TXLNB: variants seen among roughly 807,000 people sequenced by gnomAD.
The protein encoded by TXLNB is beta-taxilin.
In TXLNB, 37 loss-of-function variants were observed where a neutral mutation model predicts 57.4. The ratio of observed to expected loss-of-function variants is 0.64; its 90% CI spans 0.50 to 0.85. The LOEUF is 0.85. Among genes scored for constraint, TXLNB ranks in the 40% least tolerant of loss-of-function variants. The probability of loss-of-function intolerance (pLI) is 0.00; values close to 1 mark genes in which losing one functional copy is unlikely to be tolerated. For missense variants in TXLNB, 848 were observed against 825.6 expected (o/e 1.03, Z -0.33); for synonymous variants, 302 against 309.6 (o/e 0.98, Z 0.26).
rs762405488 is a variant in TXLNB, at chr6:139,262,716, G to A, written c.745C>T (p.His249Tyr). 2.4e-5 allele frequency: 38 copies of A among 1,614,038 alleles called. No individual in the cohort carries two copies. The highest frequency in any genetic ancestry group is 3.0e-5 in the Non-Finnish European group (35 of 1,180,030). The change falls in exon 5 of 10, where the codon CAT becomes TAT. Residue 249 changes from histidine to tyrosine, a missense_variant. By Grantham distance (83) the His-to-Tyr change is moderately conservative. Coordinates refer to ENST00000358430, the MANE Select transcript of TXLNB (RefSeq NM_153235.4). ...ATGTCCGTGAGGGTACTCTGGAAATGGCTTGTGATTTCCTTCCTTTTCTCT... is the reference window on the plus strand; with the variant it reads ...ATGTCCGTGAGGGTACTCTGGAAATAGCTTGTGATTTCCTTCCTTTTCTCT... The part of the protein sequence containing the change: ...EEEKRKEITS[H>Y]FQSTLTDIQG...
the TXLNB span, among the ~76,000 whole-genome samples, chr6:139,191,871 A>G: frequency 5.1e-4 from 77 of 152,310 alleles, 1 homozygote; most frequent in South Asian, 6.8e-3. Context: ...AAGAAACACA[A>G]GGCTAATTTC....
chr6:139,169,240 G>A, the TXLNB span, among the ~76,000 whole-genome samples: 56 of 151,658 alleles, frequency 3.7e-4, no homozygotes, highest in Admixed American at 1.0e-3. Flanking sequence ...TATTTTTTTT[G>A]TTGGAGTGGA....
intron 6 of TXLNB, among the ~76,000 whole-genome samples, chr6:139,256,559 A>G (rs1776346240): frequency 6.6e-6 from 1 of 152,156 alleles, no homozygotes; most frequent in African/African-American, 2.4e-5. Flanking sequence ...CCAACTCCTG[A>G]CCTCGTGATC....
chr6:139,232,583 A>T, the TXLNB span, among the ~76,000 whole-genome samples: 1 of 152,198 alleles, frequency 6.6e-6, no homozygotes, highest in Non-Finnish European at 1.5e-5. Flanking sequence ...TCTTCCTAGT[A>T]CATATATTAG....
chr6:139,204,924 A>G, the TXLNB span, among the ~76,000 whole-genome samples: 24 of 152,178 alleles, frequency 1.6e-4, no homozygotes, highest in East Asian at 4.1e-3. Context: ...TGGCCTGAGA[A>G]CCACCCCCCA....
At chr6:139,200,710 T>C in the TXLNB span, among the ~76,000 whole-genome samples, 1 of 152,152 alleles carries the variant, frequency 6.6e-6, no homozygotes. Flanking sequence ...TCTATTTTCT[T>C]TCACTTCCCT....
At chr6:139,170,550 A>T in the TXLNB span, 1 of 152,220 alleles carries the variant, frequency 6.6e-6, no homozygotes, top group South Asian at 2.1e-4. Context: ...GTGTTTGTTG[A>T]TGAGGAGGGA....
the TXLNB span, among the ~76,000 whole-genome samples, chr6:139,173,123 C>CA: frequency 2.0e-5 from 3 of 152,168 alleles, no homozygotes; most frequent in African/African-American, 7.2e-5. Flanking sequence ...GCCCCGAGGC[C>CA]AGAGTAGATG....
the TXLNB span, among the ~76,000 whole-genome samples, chr6:139,197,296 A>G: frequency 2.0e-5 from 3 of 152,166 alleles, no homozygotes; most frequent in Non-Finnish European, 4.4e-5. Flanking sequence ...AACATCCTGT[A>G]TATTATATTT....
chr6:139,220,335 C>T, the TXLNB span, among the ~76,000 whole-genome samples: 2 of 152,194 alleles, frequency 1.3e-5, no homozygotes, highest in Non-Finnish European at 2.9e-5. Flanking sequence ...GAAGCCTGAA[C>T]AGACTATTTA....
intron 6 of TXLNB, among the ~76,000 whole-genome samples, chr6:139,258,802 A>G (rs569301499): frequency 6.2e-4 from 95 of 152,246 alleles, no homozygotes; most frequent in Middle Eastern, 3.4e-3. Flanking sequence ...CGTCACAGAG[A>G]GTGTGGGCTT....
At chr6:139,297,184 C>T in the TXLNB span, among the ~76,000 whole-genome samples, 2 of 152,136 alleles carry the variant, frequency 1.3e-5, no homozygotes, top group African/African-American at 4.8e-5. Context: ...ATTCTTCTGG[C>T]TTCCCTAACA....
the TXLNB span, among the ~76,000 whole-genome samples, chr6:139,315,806 TA>T: frequency 6.6e-6 from 1 of 152,172 alleles, no homozygotes; most frequent in Non-Finnish European, 1.5e-5. Flanking sequence ...GCCAGCTTTT[TA>T]AAAAATCACA....
At chr6:139,297,836 G>A in the TXLNB span, among the ~76,000 whole-genome samples, 1 of 152,152 alleles carries the variant, frequency 6.6e-6, no homozygotes, top group Non-Finnish European at 1.5e-5. Flanking sequence ...CAAGTTGAAG[G>A]AATCTATTGT....
At chr6:139,309,195 T>G in the TXLNB span, among the ~76,000 whole-genome samples, 1 of 152,234 alleles carries the variant, frequency 6.6e-6, no homozygotes, top group African/African-American at 2.4e-5. Context: ...GGAAGAGGTT[T>G]CAGCAGCAAA....
chr6:139,199,527 C>T, the TXLNB span, among the ~76,000 whole-genome samples: 21 of 152,292 alleles, frequency 1.4e-4, no homozygotes, highest in Admixed American at 1.3e-3. Context: ...TCAAGTGACT[C>T]CTCTAAAAAG....
intron 7 of TXLNB, among the ~76,000 whole-genome samples, chr6:139,250,887 C>T (rs1194549161): frequency 6.6e-6 from 1 of 152,232 alleles, no homozygotes; most frequent in Non-Finnish European, 1.5e-5. Flanking sequence ...ATTGTCTTCA[C>T]TTAACTGGGT....
At chr6:139,213,051 A>G in the TXLNB span, among the ~76,000 whole-genome samples, 3 of 152,346 alleles carry the variant, frequency 2.0e-5, no homozygotes, top group East Asian at 3.9e-4. Flanking sequence ...CCCCACTGTC[A>G]ACATTAGACA....
chr6:139,202,904 C>T, the TXLNB span, among the ~76,000 whole-genome samples: 1 of 152,182 alleles, frequency 6.6e-6, no homozygotes, highest in Non-Finnish European at 1.5e-5. Context: ...TTCTCTACTT[C>T]TATGAGCAGA....
Sources: allele counts gnomAD v4.1 joint callset (sites outside exome capture counted in the v4.1 genomes callset), GRCh38; gene constraint gnomAD v4.1.1; transcripts MANE v1.5; gene names NCBI Gene and HGNC (gene_info 2026-07-23, HGNC 2026-07-21).